PSAT1: variants seen among roughly 807,000 people sequenced by gnomAD.
The protein encoded by PSAT1 is phosphoserine aminotransferase.
A neutral mutation model predicts 40.3 loss-of-function variants in PSAT1; 41 were observed. That is an observed-to-expected ratio of 1.02 (90% CI 0.79 to 1.32). The LOEUF is 1.32. Ranked by LOEUF, PSAT1 falls within the 40% of genes most tolerant of loss-of-function variation. PSAT1 has a pLI of 0.00. For missense variants in PSAT1, 406 were observed against 455.8 expected, an observed-to-expected ratio of 0.89 and a Z score of 0.99; for synonymous variants, 147 against 170.5, an observed-to-expected ratio of 0.86 and a Z score of 1.07.
Position 78,297,253 on chromosome 9 carries a change from G to C in PSAT1, c.43G>C (p.Ala15Pro), listed in dbSNP as rs774962204. 11 of 1,600,640 alleles carry C rather than the reference G, an allele frequency of 6.9e-6. No homozygotes were observed. The East Asian group carries it at 2.2e-4, about 33-fold the overall frequency. Reference sequence around the variant, plus strand: ...GGTGGTCAACTTTGGGCCTGGTCCCGCCAAGCTGCCGCACTCAGTAAGTCC... The same window carrying C: ...GGTGGTCAACTTTGGGCCTGGTCCCCCCAAGCTGCCGCACTCAGTAAGTCC... ...RQVVNFGPGP[A>P]KLPHSVLLEI... Residue 15 changes from alanine (A) to proline (P), a missense_variant, in exon 1 of 9, where the codon GCC becomes CCC. By Grantham distance (27) the Ala-to-Pro change is conservative. Coordinates refer to ENST00000376588, the MANE Select transcript of PSAT1 (RefSeq NM_058179.4).
At chr9:78,308,615 G>A (rs767506415) in intron 6 of PSAT1, 32 bp downstream of exon 6, 4 of 1,610,602 alleles carry the variant, frequency 2.5e-6, no homozygotes, top group African/African-American at 2.7e-5. Flanking sequence ...GTGGACCCAG[G>A]GAGGGGTCTC....
chr9:78,309,732 G>A (rs1029766632), intron 6 of PSAT1, among the ~76,000 whole-genome samples: 1 of 152,142 alleles, frequency 6.6e-6, no homozygotes, highest in Non-Finnish European at 1.5e-5. Context: ...CTGACTGGGG[G>A]CTGCGTTGCA....
chr9:78,308,001 T>G (rs1187795911), intron 5 of PSAT1, among the ~76,000 whole-genome samples: 2 of 152,022 alleles, frequency 1.3e-5, no homozygotes, highest in Non-Finnish European at 2.9e-5. Context: ...ATTGCGCCAC[T>G]GCACTCCAGC....
At position 78,320,811 on chromosome 9, in the gene PSAT1, G is replaced by A. The variant is rs547130279; in HGVS notation, c.869+3007G>A. 2.6e-5 allele frequency among the ~76,000 whole-genome samples: 4 copies of A among 152,304 alleles called. No individual in the cohort carries two copies. The East Asian group carries it at 7.7e-4, about 29-fold the overall frequency. On this transcript the variant is annotated intron_variant, in intron 7 of 8. Coordinates refer to ENST00000376588, the MANE Select transcript of PSAT1 (RefSeq NM_058179.4). Reference sequence around the variant, plus strand: ...GCTCCCTAAAAAGTGCTGAGAACCTGAATGTGAGTAAAAGCACTTGGTGGG... The same window carrying A: ...GCTCCCTAAAAAGTGCTGAGAACCTAAATGTGAGTAAAAGCACTTGGTGGG...
chr9:78,301,967 G>A lies in PSAT1; in HGVS notation c.135G>A (p.Arg45=), dbSNP rs372097888. ...TTCCTTTCACAGAAATGAGTCACAG[G>A]TCATCAGATTTTGCCAAGATTATTA... is the stretch of plus-strand genomic sequence containing the variant. ...VGISVLEMSH[R]SSDFAKIINN... is the part of the protein sequence containing the mutation. Residue 45 remains arginine (R), a synonymous_variant, in exon 3 of 9, where the codon AGG becomes AGA. Coordinates refer to ENST00000376588, the MANE Select transcript of PSAT1 (RefSeq NM_058179.4). 5.6e-6 allele frequency: 9 copies of A among 1,610,300 alleles called. No homozygotes were observed. The African/African-American group carries it at 1.1e-4, about 19-fold the overall frequency.
Position 78,306,828 on chromosome 9 carries a change from A to C in PSAT1, c.570+342A>C, listed in dbSNP as rs61109023. 2.4e-3 allele frequency among the ~76,000 whole-genome samples: 361 copies of C among 152,236 alleles called. 2 individuals are homozygous for C. Among genetic ancestry groups the C allele is most frequent in the African/African-American group, 8.5e-3 (351 of 41,526 alleles). On this transcript the variant is annotated intron_variant, in intron 5 of 8. Coordinates refer to ENST00000376588, the MANE Select transcript of PSAT1 (RefSeq NM_058179.4). ...ATGCAGATTATCCCGAGCCCAGGGG[A>C]CCTATGTGAGGGAGCTTCCCCTTGC...
At chr9:78,326,982 G>C (rs1463601821) in intron 7 of PSAT1, among the ~76,000 whole-genome samples, 9 of 89,504 alleles carry the variant, frequency 1.0e-4, no homozygotes, top group African/African-American at 6.2e-4. Context: ...TTGAGACAGA[G>C]TCTTGCTCTG....
intron 7 of PSAT1, among the ~76,000 whole-genome samples, chr9:78,323,331 G>C (rs1587647032): frequency 6.6e-6 from 1 of 152,314 alleles, no homozygotes; most frequent in South Asian, 2.1e-4. Context: ...AGCACTTTGG[G>C]AGGCCAAGGT....
Position 78,329,055 on chromosome 9 carries a change from T to A in PSAT1, c.1082T>A (p.Met361Lys), listed in dbSNP as rs1293023501. ...GACGTTCAGAAGCTGGCCGCCTTCA[T>A]GAAAAAATTTTTGGAGATGCATCAG... ...IEDVQKLAAF[M>K]KKFLEMHQL The change falls in exon 9 of 9, where the codon ATG (methionine) becomes AAG (lysine). Residue 361 changes from methionine to lysine, a missense_variant. Coordinates refer to ENST00000376588, the MANE Select transcript of PSAT1 (RefSeq NM_058179.4). 2 of 1,612,528 alleles carry A rather than the reference T, an allele frequency of 1.2e-6. No individual in the cohort carries two copies. The highest frequency in any genetic ancestry group is 1.1e-5 in the South Asian group (1 of 91,028).
intron 8 of PSAT1, 103 bp from the exon 9 acceptor site, chr9:78,328,878 G>A: frequency 1.1e-6 from 1 of 879,770 alleles, no homozygotes; most frequent in Admixed American, 1.8e-5. Context: ...GGAAATGATG[G>A]TCTCAGGTGC....
intron 5 of PSAT1, 27 bp downstream of exon 5, chr9:78,306,513 G>A: frequency 5.0e-6 from 8 of 1,613,912 alleles, no homozygotes; most frequent in South Asian, 1.1e-5. Context: ...AGGGTGAGGG[G>A]AACCCACTGA....
chr9:78,322,575 C>T (rs1828445810), intron 7 of PSAT1, among the ~76,000 whole-genome samples: 1 of 152,032 alleles, frequency 6.6e-6, no homozygotes, highest in Admixed American at 6.6e-5. Context: ...TTTTATATGG[C>T]TTAAGACATC....
chr9:78,326,961 T>TC (rs1313456678), intron 7 of PSAT1, among the ~76,000 whole-genome samples: 1 of 112,776 alleles, frequency 8.9e-6, no homozygotes, highest in East Asian at 2.4e-4. Context: ...ATATATTTTT[T>TC]TTTTTTTTTT....
chr9:78,306,444 C>T lies in PSAT1; in HGVS notation c.528C>T (p.Asp176=), dbSNP rs757845482. 1.2e-6 allele frequency: 2 copies of T among 1,614,186 alleles called. No individual in the cohort carries two copies. Among genetic ancestry groups the T allele is most frequent in the Non-Finnish European group, 1.7e-6 (2 of 1,180,038 alleles). The change falls in exon 5 of 9, where the codon GAC becomes GAT. Residue 176 remains aspartate, a synonymous_variant. Transcript: ENST00000376588. ...PDVKGAVLVC[D]MSSNFLSKPV... ...TCAAGGGAGCAGTACTGGTTTGTGA[C>T]ATGTCCTCAAACTTCCTGTCCAAGC... is the stretch of plus-strand genomic sequence containing the variant.
In PSAT1 at chr9:78,304,722, T is replaced by G; in HGVS notation, c.192-13T>G. 2 of 1,606,252 alleles carry G rather than the reference T, an allele frequency of 1.2e-6. No homozygotes were observed. Among genetic ancestry groups the G allele is most frequent in the Non-Finnish European group, 8.5e-7 (1 of 1,172,830 alleles). Reference sequence around the variant, plus strand: ...GAGTTTATGTATTGACTGTTACCTATGCTTCTGCCCAGAGCTGTTCCAGAC... The same window carrying G: ...GAGTTTATGTATTGACTGTTACCTAGGCTTCTGCCCAGAGCTGTTCCAGAC... On this transcript the variant is annotated splice_polypyrimidine_tract_variant and intron_variant, in intron 3 of 8. Transcript: ENST00000376588.
chr9:78,300,762 C>T lies in PSAT1; in HGVS notation c.121+100C>T, dbSNP rs112113352. 5,082 of 1,425,998 alleles carry T rather than the reference C, an allele frequency of 3.6e-3. 156 individuals carry two copies. The African/African-American group carries it at 0.066, about 18-fold the overall frequency. 88.3% of individuals were successfully genotyped at this position (1,425,998 alleles called of 1,614,324 possible). A position where few individuals can be genotyped will look rare whatever the true frequency, so the allele number is the denominator to read the frequency against. On this transcript the variant is annotated intron_variant, in intron 2 of 8. Coordinates refer to ENST00000376588, the MANE Select transcript of PSAT1 (RefSeq NM_058179.4). ...GCAGGGTCCTGCTCTGTCACCCAGG[C>T]TGGAGTACAGTGGCGTGATCATAGT...
At chr9:78,317,314 G>A (rs1828359892) in intron 6 of PSAT1, among the ~76,000 whole-genome samples, 1 of 152,084 alleles carries the variant, frequency 6.6e-6, no homozygotes, top group Non-Finnish European at 1.5e-5. Flanking sequence ...GTGCATTGGT[G>A]TGATCATAGC....
rs201616592 is a variant in PSAT1, at chr9:78,326,952, TATA to T, written c.870-1098_870-1096del. On this transcript the variant is annotated intron_variant, in intron 7 of 8. Transcript: ENST00000376588. ...TGACAGCAATATATATATATATATA[TATA>T]TTTTTTTTTTTTTTTTTTGAGACAG... is the stretch of plus-strand genomic sequence containing the variant. Among the ~76,000 whole-genome samples the T allele has an allele frequency of 1.7e-4, 17 of 100,100 alleles. 1 individual carries two copies. Among genetic ancestry groups the T allele is most frequent in the African/African-American group, 9.3e-4 (16 of 17,228 alleles). The allele number at this position is 100,100 out of a possible 152,430, so 65.7% of individuals were successfully genotyped here. A position where few individuals can be genotyped will look rare whatever the true frequency, so the allele number is the denominator to read the frequency against.
rs531560887 is a variant in PSAT1, at chr9:78,325,490, C to G, written c.870-2561C>G. On this transcript the variant is annotated intron_variant, in intron 7 of 8. Coordinates refer to ENST00000376588, the MANE Select transcript of PSAT1 (RefSeq NM_058179.4). ...GCTCCAGTTAAGTCAGCAGACTTGC[C>G]GGAAGCCTTTGTGCCTTTGCAGATG... Among the ~76,000 whole-genome samples, 14 of 152,358 alleles carry G rather than the reference C, an allele frequency of 9.2e-5. No homozygotes were observed. The East Asian group carries it at 2.7e-3, about 29-fold the overall frequency.
Sources: allele counts gnomAD v4.1 joint callset (sites outside exome capture counted in the v4.1 genomes callset), GRCh38; gene constraint gnomAD v4.1.1; transcripts MANE v1.5; gene names NCBI Gene and HGNC (gene_info 2026-07-23, HGNC 2026-07-21).